The following TRAF3IP2 variants were observed in gnomAD, a reference collection of about 807,000 sequenced individuals.
TRAF3IP2 encodes E3 ubiquitin ligase TRAF3IP2.
TRAF3IP2 carries 35 observed loss-of-function variants against 57.9 expected under a neutral mutation model. That is an observed-to-expected ratio of 0.60 (90% CI 0.46 to 0.80). The LOEUF (loss-of-function observed/expected upper bound fraction) is 0.80, where lower values mean the gene tolerates loss of function less well. Ranked by LOEUF, TRAF3IP2 falls within the 30% of genes least tolerant of loss-of-function variation. TRAF3IP2 has a pLI of 0.00. For missense variants in TRAF3IP2, 556 were observed against 706.4 expected (o/e 0.79, Z 2.41); for synonymous variants, 251 against 268.9 (o/e 0.93, Z 0.65).
chr6:111,602,305 G>GTTTTTT (rs146432308), intron 1 of TRAF3IP2: 1 of 142,926 alleles, frequency 7.0e-6, no homozygotes, highest in Non-Finnish European at 1.5e-5. Context: ...ACCAGCCCAT[G>GTTTTTT]TTTTTTTTTT....
chr6:111,575,587 CAAAAAAA>C (rs60481646), intron 4 of TRAF3IP2, 49 bp downstream of exon 4: 1,264 of 1,363,114 alleles, frequency 9.3e-4, no homozygotes, highest in East Asian at 3.1e-3. Flanking sequence ...GACTCCGTCT[CAAAAAAA>C]AAAAAAAAAA....
intron 1 of TRAF3IP2, among the ~76,000 whole-genome samples, chr6:111,596,315 G>A (rs569627901): frequency 4.4e-4 from 67 of 151,880 alleles, no homozygotes; most frequent in African/African-American, 1.5e-3. Flanking sequence ...TTTGTGATAC[G>A]GGGGTCTTGC....
At chr6:111,580,882 C>G (rs1796141273) in intron 2 of TRAF3IP2, among the ~76,000 whole-genome samples, 1 of 150,734 alleles carries the variant, frequency 6.6e-6, no homozygotes, top group Admixed American at 7.0e-5. Context: ...ACACCCCACT[C>G]TCCTCTTAAG....
intron 3 of TRAF3IP2, chr6:111,576,999 A>G (rs1796011199): frequency 6.6e-6 from 1 of 152,066 alleles, no homozygotes; most frequent in African/African-American, 2.4e-5. Flanking sequence ...AGGATTTAAA[A>G]TAAAATTACA....
Position 111,558,296 on chromosome 6 carries a change from C to A in TRAF3IP2, c.*1109G>T, listed in dbSNP as rs142369053. On this transcript the variant is annotated 3_prime_UTR_variant, in exon 9 of 9. Coordinates refer to ENST00000368761, the MANE Select transcript of TRAF3IP2 (RefSeq NM_147686.4). ...ATTAGAACACAGACTACAATTCTAG[C>A]CTACATCCCCCAACACTTCATACAC... 1 of 152,190 alleles carries A rather than the reference C, an allele frequency of 6.6e-6. No individual in the cohort carries two copies. Among genetic ancestry groups the A allele is most frequent in the Admixed American group, 6.5e-5 (1 of 15,288 alleles). 9.4% of individuals were successfully genotyped at this position (152,190 alleles called of 1,614,324 possible).
At chr6:111,600,921 A>C (rs1231074851) in intron 1 of TRAF3IP2, 2 of 309,480 alleles carry the variant, frequency 6.5e-6, no homozygotes, top group Non-Finnish European at 1.2e-5. Context: ...CCTCACACCC[A>C]CTCTAATTTC....
At chr6:111,599,168 A>G (rs967306466) in intron 1 of TRAF3IP2, among the ~76,000 whole-genome samples, 2 of 148,144 alleles carry the variant, frequency 1.4e-5, no homozygotes, top group African/African-American at 5.0e-5. Context: ...TCGTCCTTCC[A>G]AAGTGCTGAG....
chr6:111,556,102 CAAAA>C lies in TRAF3IP2; in HGVS notation c.*3299_*3302del, dbSNP rs35454154. ...TGGGTGACAGAGCGAGACTACGTCT[CAAAA>C]AAAAAAAAAAAAAAATGCTTTGATG... is the stretch of plus-strand genomic sequence containing the variant. On this transcript the variant is annotated 3_prime_UTR_variant, in exon 9 of 9. Transcript: ENST00000368761. 0.062 allele frequency among the ~76,000 whole-genome samples: 7,557 copies of C among 122,580 alleles called. 201 individuals are homozygous for C. Among genetic ancestry groups the C allele is most frequent in the Middle Eastern group, 0.078 (18 of 230 alleles). The allele number at this position is 122,580 out of a possible 152,430, so 80.4% of individuals were successfully genotyped here.
Position 111,559,361 on chromosome 6 carries a change from G to T in TRAF3IP2, c.*44C>A. 1 of 1,597,146 alleles carries T rather than the reference G, an allele frequency of 6.3e-7. No homozygotes were observed. The highest frequency in any genetic ancestry group is 8.5e-7 in the Non-Finnish European group (1 of 1,172,302). On this transcript the variant is annotated 3_prime_UTR_variant, in exon 9 of 9. Transcript: ENST00000368761. ...TCAGCCAGAATGCTGTCAGAACAAG[G>T]CCCCAAACATGGCCTGGCCTCAGTG... is the stretch of plus-strand genomic sequence containing the variant.
intron 1 of TRAF3IP2, among the ~76,000 whole-genome samples, chr6:111,592,914 G>A (rs914180146): frequency 6.6e-6 from 1 of 152,196 alleles, no homozygotes; most frequent in Non-Finnish European, 1.5e-5. Flanking sequence ...GGTTTGTGAT[G>A]TAGTTGAACC....
chr6:111,561,390 A>G (rs915212956), intron 8 of TRAF3IP2, among the ~76,000 whole-genome samples: 1 of 151,924 alleles, frequency 6.6e-6, no homozygotes, highest in Non-Finnish European at 1.5e-5. Context: ...CAGTGAGCCG[A>G]GATCACACCA....
intron 2 of TRAF3IP2, among the ~76,000 whole-genome samples, chr6:111,586,123 A>T (rs993284270): frequency 6.6e-6 from 1 of 152,084 alleles, no homozygotes; most frequent in Non-Finnish European, 1.5e-5. Flanking sequence ...TGTTGCAGGA[A>T]CTCCCACAGC....
chr6:111,582,747 C>A (rs4245546), intron 2 of TRAF3IP2, among the ~76,000 whole-genome samples: 132,891 of 152,130 alleles, frequency 0.87, 58,209 homozygotes, highest in East Asian at 1. Context: ...CCAGCTGTAG[C>A]TAGAACCGTC....
At chr6:111,595,862 G>A (rs1220064693) in intron 1 of TRAF3IP2, among the ~76,000 whole-genome samples, 1 of 151,184 alleles carries the variant, frequency 6.6e-6, no homozygotes, top group Non-Finnish European at 1.5e-5. Flanking sequence ...TGCAGTGAGA[G>A]ATAATCACAG....
chr6:111,559,146 C>T lies in TRAF3IP2; in HGVS notation c.*259G>A, dbSNP rs1054216289. On this transcript the variant is annotated 3_prime_UTR_variant, in exon 9 of 9. Coordinates refer to ENST00000368761, the MANE Select transcript of TRAF3IP2 (RefSeq NM_147686.4). The stretch of plus-strand genomic sequence containing the variant: ...GGACACATCAAACTGTCAGGAGGAA[C>T]ATATGGGACACTGGCACCTGCAATG... 2.4e-6 allele frequency: 1 copy of T among 417,388 alleles called. No homozygotes were observed. Among genetic ancestry groups the T allele is most frequent in the African/African-American group, 2.0e-5 (1 of 50,842 alleles). The allele number at this position is 417,388 out of a possible 1,614,324, so 25.9% of individuals were successfully genotyped here. A position where few individuals can be genotyped will look rare whatever the true frequency, so the allele number is the denominator to read the frequency against.
Position 111,559,213 on chromosome 6 carries a change from A to G in TRAF3IP2, c.*192T>C, listed in dbSNP as rs138485893. 275 of 653,484 alleles carry G rather than the reference A, an allele frequency of 4.2e-4. No homozygotes were observed. In the African/African-American group the frequency reaches 4.4e-3, roughly 11 times the overall value. 40.5% of individuals were successfully genotyped at this position (653,484 alleles called of 1,614,324 possible). On this transcript the variant is annotated 3_prime_UTR_variant, in exon 9 of 9. Coordinates refer to ENST00000368761, the MANE Select transcript of TRAF3IP2 (RefSeq NM_147686.4). ...AGAATGCAGAGCAGTCACAGACTCC[A>G]CTTCAAAGCCAGGGTGTGTGGAGGT...
intron 7 of TRAF3IP2, among the ~76,000 whole-genome samples, chr6:111,565,514 G>A (rs190434330): frequency 1.3e-4 from 20 of 152,218 alleles, no homozygotes; most frequent in Middle Eastern, 3.4e-3. Context: ...GGTGGGAGGC[G>A]CAGACCCAGC....
intron 1 of TRAF3IP2, chr6:111,602,095 T>A (rs547864468): frequency 6.6e-6 from 1 of 152,280 alleles, no homozygotes; most frequent in South Asian, 2.1e-4. Flanking sequence ...AGGAAGGGAA[T>A]ATTTACTGGC....
intron 3 of TRAF3IP2, among the ~76,000 whole-genome samples, chr6:111,579,763 T>C (rs1796100449): frequency 6.6e-6 from 1 of 152,152 alleles, no homozygotes; most frequent in African/African-American, 2.4e-5. Context: ...ATTTTAAATT[T>C]TGATGGAAAA....
Sources: allele counts gnomAD v4.1 joint callset (sites outside exome capture counted in the v4.1 genomes callset), GRCh38; gene constraint gnomAD v4.1.1; transcripts MANE v1.5; gene names NCBI Gene and HGNC (gene_info 2026-07-23, HGNC 2026-07-21).